Variants in ZNF638 observed in about 807,000 individuals in gnomAD.
The protein encoded by ZNF638 is CTCL tumor antigen se33-1.
A neutral mutation model predicts 195.6 loss-of-function variants in ZNF638; 46 were observed. The observed-to-expected ratio is 0.24, with a 90% confidence interval of 0.19 to 0.30. The LOEUF is 0.30. ZNF638 is among the 10% of genes least tolerant of loss of function. The pLI, the probability that ZNF638 is intolerant of heterozygous loss-of-function variation, is 1.00. For synonymous variants in ZNF638, 845 were observed against 772.0 expected (o/e 1.09, Z -1.57); for missense variants, 2,440 against 2,325.3 (o/e 1.05, Z -1.01).
intron 8 of ZNF638, among the ~76,000 whole-genome samples, chr2:71,372,072 T>C (rs1209635279): frequency 1.3e-5 from 2 of 152,148 alleles, no homozygotes; most frequent in African/African-American, 2.4e-5. Flanking sequence ...AATCTATTTT[T>C]ATTTGATTTT....
At chr2:71,338,040 C>T (rs2078700815) in intron 1 of ZNF638, among the ~76,000 whole-genome samples, 1 of 151,482 alleles carries the variant, frequency 6.6e-6, no homozygotes, top group Non-Finnish European at 1.5e-5. Flanking sequence ...GCTATGTCCC[C>T]AGGATATCAG....
rs200685577 is a variant in ZNF638, at chr2:71,423,842, C to G, written c.4328C>G (p.Thr1443Arg). 6.2e-7 allele frequency: 1 copy of G among 1,614,036 alleles called. No homozygotes were observed. The highest frequency in any genetic ancestry group is 1.3e-5 in the African/African-American group (1 of 74,934). Residue 1443 changes from threonine to arginine, a missense_variant, in exon 22 of 28, where the codon ACA becomes AGA. Physicochemically the swap from Thr to Arg is moderately conservative, Grantham distance 71. Transcript: ENST00000264447. ...AAGGAATTTGGTCTGCTTAAACCCACAAGTGCCAGGTCAGGCTTGGCAGAA... is the reference window on the plus strand; with the variant it reads ...AAGGAATTTGGTCTGCTTAAACCCAGAAGTGCCAGGTCAGGCTTGGCAGAA... The part of the protein sequence containing the change: ...SAKEFGLLKP[T>R]SARSGLAESS...
At chr2:71,346,772 C>A (rs2078856999) in intron 1 of ZNF638, among the ~76,000 whole-genome samples, 1 of 152,114 alleles carries the variant, frequency 6.6e-6, no homozygotes, top group Non-Finnish European at 1.5e-5. Context: ...CATACCCCAG[C>A]ACTTTGGGAG....
chr2:71,336,197 C>T (rs1413515092), intron 1 of ZNF638, among the ~76,000 whole-genome samples: 1 of 152,022 alleles, frequency 6.6e-6, no homozygotes, highest in Non-Finnish European at 1.5e-5. Flanking sequence ...CATGGAGAAA[C>T]CCCGTCTCTA....
At chr2:71,397,316 A>C (rs371322962) in intron 11 of ZNF638, among the ~76,000 whole-genome samples, 2 of 152,192 alleles carry the variant, frequency 1.3e-5, no homozygotes, top group East Asian at 1.9e-4. Flanking sequence ...AGTGAAAGAA[A>C]TATCTTAAGG....
At chr2:71,386,696 G>A (rs1241751656) in intron 10 of ZNF638, among the ~76,000 whole-genome samples, 1 of 151,932 alleles carries the variant, frequency 6.6e-6, no homozygotes, top group East Asian at 1.9e-4. Flanking sequence ...TTAAAGAAGA[G>A]CTCCTTATGT....
At chr2:71,391,795 G>A (rs1378434691) in intron 10 of ZNF638, among the ~76,000 whole-genome samples, 1 of 152,178 alleles carries the variant, frequency 6.6e-6, no homozygotes, top group East Asian at 1.9e-4. Flanking sequence ...AGGCAGTGCT[G>A]CCCTAGACTC....
At chr2:71,362,132 T>A (rs2079119780) in intron 3 of ZNF638, among the ~76,000 whole-genome samples, 1 of 152,246 alleles carries the variant, frequency 6.6e-6, no homozygotes, top group Non-Finnish European at 1.5e-5. Context: ...AGCCTTTTTC[T>A]TAGGCTTCTA....
At chr2:71,386,257 G>A (rs2079635514) in intron 10 of ZNF638, among the ~76,000 whole-genome samples, 2 of 128,798 alleles carry the variant, frequency 1.6e-5, no homozygotes, top group South Asian at 4.9e-4. Flanking sequence ...TCGTGCTACT[G>A]TACCCCAGCC....
In ZNF638 at chr2:71,423,596, C is replaced by T; in HGVS notation, c.4082C>T (p.Ala1361Val). ...EKPAENTLFK[A>V]YPNKGVGQAN... ...CCTGCAGAAAACACTTTATTCAAGG[C>T]ATACCCAAATAAAGGAGTGGGTCAG... The change falls in exon 22 of 28, where the codon GCA becomes GTA. Residue 1361 changes from alanine (A) to valine (V), a missense_variant. Transcript: ENST00000264447. 6.2e-7 allele frequency: 1 copy of T among 1,614,044 alleles called. No homozygotes were observed. Among genetic ancestry groups the T allele is most frequent in the Non-Finnish European group, 8.5e-7 (1 of 1,180,004 alleles).
chr2:71,359,090 C>T (rs922092608), intron 3 of ZNF638, among the ~76,000 whole-genome samples: 4 of 152,134 alleles, frequency 2.6e-5, no homozygotes, highest in African/African-American at 9.7e-5. Flanking sequence ...GTGTGATGTT[C>T]TAGAACTGAA....
At chr2:71,414,009 G>A (rs2080268102) in intron 20 of ZNF638, among the ~76,000 whole-genome samples, 1 of 113,778 alleles carries the variant, frequency 8.8e-6, no homozygotes, top group Non-Finnish European at 1.8e-5. Context: ...AGTTAGGGAG[G>A]ATTCCCTCTT....
chr2:71,431,839 T>C (rs995226850), intron 26 of ZNF638, among the ~76,000 whole-genome samples: 1 of 152,188 alleles, frequency 6.6e-6, no homozygotes, highest in Non-Finnish European at 1.5e-5. Context: ...GGCTGCATTG[T>C]CATTTTATAG....
At chr2:71,413,962 G>A (rs1295154825) in intron 20 of ZNF638, among the ~76,000 whole-genome samples, 1 of 36,568 alleles carries the variant, frequency 2.7e-5, no homozygotes, top group Non-Finnish European at 4.6e-5. Flanking sequence ...GTCTCTGCCC[G>A]GCTTTGGTAT....
chr2:71,370,767 G>A (rs995126050), intron 8 of ZNF638, among the ~76,000 whole-genome samples: 26 of 152,128 alleles, frequency 1.7e-4, no homozygotes, highest in African/African-American at 2.4e-5. Flanking sequence ...CATGCAGTGT[G>A]TAATAATCAC....
chr2:71,370,118 C>CA lies in ZNF638; in HGVS notation c.2265+114dup, dbSNP rs1398986215. ...CATAGAAACATAAATGTTAGCTCAA[C>CA]ACATTATATGTGCATTAATTCAAGT... On this transcript the variant is annotated intron_variant, in intron 8 of 27. Coordinates refer to ENST00000264447, the MANE Select transcript of ZNF638 (RefSeq NM_014497.5). The CA allele has an allele frequency of 6.1e-6, 7 of 1,148,270 alleles. No homozygotes were observed. In the African/African-American group the frequency reaches 9.5e-5, roughly 16 times the overall value. The allele number at this position is 1,148,270 out of a possible 1,614,324, so 71.1% of individuals were successfully genotyped here.
At chr2:71,351,590 A>G (rs1444052860) in intron 2 of ZNF638, among the ~76,000 whole-genome samples, 1 of 152,192 alleles carries the variant, frequency 6.6e-6, no homozygotes. Flanking sequence ...ATTAATCATA[A>G]TGAATCCAAG....
At chr2:71,416,827 C>T (rs1224673474) in intron 20 of ZNF638, among the ~76,000 whole-genome samples, 24 of 130,572 alleles carry the variant, frequency 1.8e-4, no homozygotes, top group Non-Finnish European at 3.1e-4. Flanking sequence ...AGGAGGCAGT[C>T]TGCCCGTTCT....
At position 71,365,635 on chromosome 2, in the gene ZNF638, A is replaced by G; in HGVS notation, c.1924A>G (p.Lys642Glu). ...AGGACATTCTATTCGTTGTAAATCA[A>G]AGAATCTTGAAGATGACACTTTGTC... Reference protein sequence around the residue: ...LGGHSIRCKSKNLEDDTLSEC... With the variant: ...LGGHSIRCKSENLEDDTLSEC... Residue 642 changes from lysine to glutamate, a missense_variant, in exon 6 of 28, where the codon AAG becomes GAG. This residue lies in a region of ZNF638 where 1,883 missense variants were observed against 1,739.1 expected (regional missense o/e 1.08). Coordinates refer to ENST00000264447, the MANE Select transcript of ZNF638 (RefSeq NM_014497.5). 6 of 1,614,174 alleles carry G rather than the reference A, an allele frequency of 3.7e-6. No homozygotes were observed. The highest frequency in any genetic ancestry group is 5.1e-6 in the Non-Finnish European group (6 of 1,179,988).
Sources: gnomAD v4.1 joint callset for allele counts (sites outside exome capture counted in the v4.1 genomes callset) on GRCh38, gnomAD v4.1.1 for gene constraint, gnomAD v4.1.1 regional missense constraint, MANE v1.5 for transcripts, NCBI Gene and HGNC (gene_info 2026-07-23, HGNC 2026-07-21) for gene names.